ARB2A: variants seen among roughly 807,000 people sequenced by gnomAD.
ARB2A encodes ARB2 cotranscriptional regulator A.
the ARB2A span, among the ~76,000 whole-genome samples, chr5:93,810,534 C>T: frequency 1.1e-4 from 17 of 151,978 alleles, no homozygotes; most frequent in African/African-American, 3.4e-4. Context: ...TCTTGAGTAG[C>T]TGAGACTACA....
the ARB2A span, among the ~76,000 whole-genome samples, chr5:93,771,582 C>G: frequency 6.6e-6 from 1 of 152,166 alleles, no homozygotes; most frequent in African/African-American, 2.4e-5. Flanking sequence ...TATCCAGAAT[C>G]TATAATGAAC....
the ARB2A span, among the ~76,000 whole-genome samples, chr5:93,634,995 A>G: frequency 6.1e-4 from 93 of 152,262 alleles, no homozygotes; most frequent in Non-Finnish European, 1.1e-3. Flanking sequence ...GCTGCTCTCG[A>G]ACTCCTGACC....
At chr5:93,886,356 A>G in the ARB2A span, among the ~76,000 whole-genome samples, 12 of 151,710 alleles carry the variant, frequency 7.9e-5, no homozygotes, top group Non-Finnish European at 1.5e-4. Flanking sequence ...TCTTCAGGCA[A>G]GGCTCTGTAA....
chr5:94,098,186 C>A, the ARB2A span, among the ~76,000 whole-genome samples: 1 of 152,024 alleles, frequency 6.6e-6, no homozygotes, highest in African/African-American at 2.4e-5. Flanking sequence ...AGCAAAAAGG[C>A]CCATCCAAAA....
chr5:93,914,869 T>A, the ARB2A span, among the ~76,000 whole-genome samples: 1 of 151,952 alleles, frequency 6.6e-6, no homozygotes, highest in Non-Finnish European at 1.5e-5. Flanking sequence ...CTCCCTCATA[T>A]AATGCTGCTT....
chr5:93,960,635 T>C, the ARB2A span, among the ~76,000 whole-genome samples: 1 of 152,172 alleles, frequency 6.6e-6, no homozygotes, highest in Non-Finnish European at 1.5e-5. Context: ...CACCAGTGAC[T>C]TCCTTTAGAT....
chr5:93,922,665 A>T, the ARB2A span, among the ~76,000 whole-genome samples: 1 of 25,184 alleles, frequency 4.0e-5, no homozygotes, highest in East Asian at 1.8e-3. Context: ...GGAGGGAGGA[A>T]GGGAGGGAGG....
At chr5:94,045,056 T>G in the ARB2A span, among the ~76,000 whole-genome samples, 1 of 134,306 alleles carries the variant, frequency 7.4e-6, no homozygotes, top group Non-Finnish European at 1.5e-5. Flanking sequence ...GAGGCTGGAG[T>G]GCAGTGAGCT....
At chr5:94,014,515 G>C in the ARB2A span, among the ~76,000 whole-genome samples, 1 of 152,122 alleles carries the variant, frequency 6.6e-6, no homozygotes, top group Non-Finnish European at 1.5e-5. Flanking sequence ...ACAGCAAACA[G>C]GGAACCATAA....
At chr5:93,981,257 T>C in the ARB2A span, among the ~76,000 whole-genome samples, 2 of 151,884 alleles carry the variant, frequency 1.3e-5, no homozygotes, top group Non-Finnish European at 2.9e-5. Flanking sequence ...TTTGTAGAGA[T>C]GGAGTTTCAC....
At chr5:94,099,812 T>C in the ARB2A span, among the ~76,000 whole-genome samples, 1 of 151,966 alleles carries the variant, frequency 6.6e-6, no homozygotes, top group Non-Finnish European at 1.5e-5. Context: ...GAGATATCTA[T>C]GAGAAACCCG....
At chr5:93,686,403 G>A in the ARB2A span, among the ~76,000 whole-genome samples, 1 of 152,068 alleles carries the variant, frequency 6.6e-6, no homozygotes, top group African/African-American at 2.4e-5. Context: ...GCCTGTTCTT[G>A]ACATTTTACT....
the ARB2A span, among the ~76,000 whole-genome samples, chr5:93,830,138 C>T: frequency 1.9e-4 from 29 of 151,520 alleles, no homozygotes; most frequent in African/African-American, 6.8e-4. Context: ...AGTTATAGCT[C>T]ACAATGCAAG....
the ARB2A span, among the ~76,000 whole-genome samples, chr5:93,840,539 C>T: frequency 6.6e-6 from 1 of 152,118 alleles, no homozygotes; most frequent in Non-Finnish European, 1.5e-5. Flanking sequence ...TCACCCTTGA[C>T]ATCTTCCTCC....
chr5:94,074,690 T>A, the ARB2A span: 5 of 1,613,096 alleles, frequency 3.1e-6, no homozygotes, highest in South Asian at 5.5e-5. Flanking sequence ...ACCTCCCTGC[T>A]GGATTTGTGC....
chr5:93,756,484 C>T, the ARB2A span, among the ~76,000 whole-genome samples: 1 of 152,136 alleles, frequency 6.6e-6, no homozygotes, highest in South Asian at 2.1e-4. Flanking sequence ...CACACCACAG[C>T]CACCTCCACT....
chr5:93,627,056 A>C, the ARB2A span, among the ~76,000 whole-genome samples: 2 of 152,218 alleles, frequency 1.3e-5, no homozygotes, highest in East Asian at 1.9e-4. Context: ...CCAGGAATAC[A>C]TTCCATCTCA....
At chr5:93,872,553 T>G in the ARB2A span, among the ~76,000 whole-genome samples, 1 of 152,184 alleles carries the variant, frequency 6.6e-6, no homozygotes, top group African/African-American at 2.4e-5. Flanking sequence ...GTCTAATTCT[T>G]GAACTGATTT....
chr5:94,023,464 A>G, the ARB2A span, among the ~76,000 whole-genome samples: 1 of 152,254 alleles, frequency 6.6e-6, no homozygotes, highest in East Asian at 1.9e-4. Context: ...TCAGAAAAAG[A>G]GAACAATATT....
Sources: allele counts gnomAD v4.1 joint callset (sites outside exome capture counted in the v4.1 genomes callset), GRCh38; gene constraint gnomAD v4.1.1; transcripts MANE v1.5; gene names NCBI Gene and HGNC (gene_info 2026-07-23, HGNC 2026-07-21).